Variants in ADAM9 observed in about 807,000 individuals in gnomAD.
ADAM9 encodes ADAM metallopeptidase domain 9.
Under a neutral mutation model 108.1 loss-of-function variants are expected in ADAM9, and 54 were observed. That is an observed-to-expected ratio of 0.50 (90% CI 0.40 to 0.63). The LOEUF is 0.63. Ranked by LOEUF, ADAM9 falls within the 20% of genes least tolerant of loss-of-function variation. The probability of loss-of-function intolerance (pLI) is 0.00; values close to 1 mark genes in which losing one functional copy is unlikely to be tolerated. For synonymous variants in ADAM9, 316 were observed against 336.0 expected (o/e 0.94, Z 0.65); for missense variants, 830 against 997.7 (o/e 0.83, Z 2.26).
At chr8:39,073,771 C>T (rs1838770437) in intron 15 of ADAM9, among the ~76,000 whole-genome samples, 1 of 152,086 alleles carries the variant, frequency 6.6e-6, no homozygotes, top group South Asian at 2.1e-4. Context: ...TTATGAATAT[C>T]TTATTGAAAA....
chr8:39,089,016 G>A (rs1312054247), intron 18 of ADAM9, among the ~76,000 whole-genome samples: 1 of 152,166 alleles, frequency 6.6e-6, no homozygotes, highest in African/African-American at 2.4e-5. Context: ...TAGGGAGGCC[G>A]AGGCGGGCAG....
chr8:39,054,251 C>G (rs1209724082), intron 12 of ADAM9, among the ~76,000 whole-genome samples: 1 of 152,160 alleles, frequency 6.6e-6, no homozygotes, highest in South Asian at 2.1e-4. Context: ...TCTGAGCAGA[C>G]TAAGTAAGGC....
intron 14 of ADAM9, among the ~76,000 whole-genome samples, chr8:39,064,606 A>C (rs1315397856): frequency 6.6e-6 from 1 of 152,162 alleles, no homozygotes; most frequent in Non-Finnish European, 1.5e-5. Flanking sequence ...ATTTATCCTG[A>C]GATCTTTCAC....
intron 18 of ADAM9, among the ~76,000 whole-genome samples, 184 bp downstream of exon 18, chr8:39,083,257 C>T (rs1839077966): frequency 6.6e-6 from 1 of 152,130 alleles, no homozygotes; most frequent in African/African-American, 2.4e-5. Flanking sequence ...AATTTCTTGC[C>T]TGGACATACA....
intron 14 of ADAM9, among the ~76,000 whole-genome samples, chr8:39,068,711 A>C (rs979571197): frequency 4.5e-5 from 6 of 133,428 alleles, no homozygotes; most frequent in Non-Finnish European, 9.5e-5. Context: ...AAAAAAAAAA[A>C]AAAGACCTGA....
intron 14 of ADAM9, among the ~76,000 whole-genome samples, chr8:39,069,633 A>C (rs1838611206): frequency 6.6e-6 from 1 of 152,180 alleles, no homozygotes; most frequent in Non-Finnish European, 1.5e-5. Context: ...AACAGAAAGC[A>C]GCAAAACCAT....
intron 18 of ADAM9, among the ~76,000 whole-genome samples, chr8:39,085,252 T>TC (rs1240794751): frequency 6.6e-6 from 1 of 152,196 alleles, no homozygotes; most frequent in Non-Finnish European, 1.5e-5. Flanking sequence ...TTGTAACACT[T>TC]CAGTATATTT....
intron 11 of ADAM9, among the ~76,000 whole-genome samples, chr8:39,035,874 G>T (rs1306996244): frequency 2.0e-5 from 3 of 152,014 alleles, no homozygotes; most frequent in Admixed American, 1.3e-4. Context: ...CTAGGATGAG[G>T]TTATCCTAGG....
intron 14 of ADAM9, among the ~76,000 whole-genome samples, chr8:39,056,903 G>A (rs1838142227): frequency 6.6e-6 from 1 of 152,088 alleles, no homozygotes; most frequent in African/African-American, 2.4e-5. Context: ...GAACCATTGT[G>A]TTGTGCGTTT....
At chr8:39,028,291 G>C (rs1327088110) in intron 11 of ADAM9, among the ~76,000 whole-genome samples, 3 of 152,016 alleles carry the variant, frequency 2.0e-5, no homozygotes, top group African/African-American at 7.2e-5. Context: ...AGAATTTACA[G>C]TTTTTGAACA....
At chr8:39,045,982 T>G (rs1236300638) in intron 12 of ADAM9, among the ~76,000 whole-genome samples, 1 of 152,126 alleles carries the variant, frequency 6.6e-6, no homozygotes, top group East Asian at 1.9e-4. Context: ...ATGTTGAGCA[T>G]TTTTTCCTGT....
intron 20 of ADAM9, among the ~76,000 whole-genome samples, chr8:39,097,958 T>C (rs896635426): frequency 6.6e-6 from 1 of 152,270 alleles, no homozygotes; most frequent in Non-Finnish European, 1.5e-5. Flanking sequence ...TTTTCCCATG[T>C]GTTGATTGTC....
intron 20 of ADAM9, 60 bp downstream of exon 20, chr8:39,091,406 A>T (rs1186744372): frequency 7.0e-7 from 1 of 1,422,686 alleles, no homozygotes; most frequent in Non-Finnish European, 9.9e-7. Flanking sequence ...ATGCTTAAGG[A>T]TTAAAAACAC....
chr8:39,038,211 C>G (rs1161578761), intron 11 of ADAM9, among the ~76,000 whole-genome samples: 2 of 152,154 alleles, frequency 1.3e-5, no homozygotes, highest in Non-Finnish European at 2.9e-5. Flanking sequence ...CACATTACTC[C>G]TGCACTTTTC....
chr8:39,069,075 C>A (rs535443631), intron 14 of ADAM9, among the ~76,000 whole-genome samples: 108 of 152,242 alleles, frequency 7.1e-4, no homozygotes, highest in African/African-American at 2.5e-3. Context: ...AGTTTCTTAT[C>A]TCCGAGGAAT....
chr8:39,063,628 A>G (rs1199635964), intron 14 of ADAM9, among the ~76,000 whole-genome samples: 2 of 152,218 alleles, frequency 1.3e-5, no homozygotes, highest in Non-Finnish European at 2.9e-5. Flanking sequence ...AGGCTGAGGC[A>G]GGAGAATCGC....
rs562630106 is a variant in ADAM9, at chr8:39,046,901, C to T, written c.1302+4784C>T. Among the ~76,000 whole-genome samples the T allele has an allele frequency of 5.9e-5, 9 of 151,844 alleles. No homozygotes were observed. In the South Asian group the frequency reaches 1.0e-3, roughly 18 times the overall value. ...CTCGTGCCTCAGCCTCTTGAGTAGTCGGGACTACAGGCATATGCCACCATG... is the reference window on the plus strand; with the variant it reads ...CTCGTGCCTCAGCCTCTTGAGTAGTTGGGACTACAGGCATATGCCACCATG... On this transcript the variant is annotated intron_variant, in intron 12 of 21. Transcript: ENST00000487273.
intron 14 of ADAM9, among the ~76,000 whole-genome samples, chr8:39,069,448 A>G (rs1838605397): frequency 1.3e-5 from 2 of 152,244 alleles, no homozygotes; most frequent in South Asian, 2.1e-4. Flanking sequence ...TAGCTCATGC[A>G]TTCTCAAATT....
intron 4 of ADAM9, chr8:39,014,718 G>A (rs1836469584): frequency 1.8e-6 from 1 of 542,958 alleles, no homozygotes; most frequent in Non-Finnish European, 3.2e-6. Flanking sequence ...CCCATTACAT[G>A]TGTATGTTTT....
Sources: allele counts gnomAD v4.1 joint callset (sites outside exome capture counted in the v4.1 genomes callset), GRCh38; gene constraint gnomAD v4.1.1; transcripts MANE v1.5; gene names NCBI Gene and HGNC (gene_info 2026-07-23, HGNC 2026-07-21).